The following ZZEF1 variants were observed in gnomAD, a reference collection of about 807,000 sequenced individuals.
ZZEF1 encodes the protein zinc finger ZZ-type and EF-hand domain containing 1.
Under a neutral mutation model 342.8 loss-of-function variants are expected in ZZEF1, and 157 were observed. That is an observed-to-expected ratio of 0.46 (90% CI 0.40 to 0.52). The LOEUF (loss-of-function observed/expected upper bound fraction) is 0.52. ZZEF1 is among the 20% of genes least tolerant of loss of function. ZZEF1 has a pLI of 0.00. For synonymous variants in ZZEF1, 1,505 were observed against 1,429.1 expected, an observed-to-expected ratio of 1.05 and a Z score of -1.20; for missense variants, 3,480 against 3,725.6, an observed-to-expected ratio of 0.93 and a Z score of 1.72.
At chr17:4,081,518 C>A in intron 17 of ZZEF1, 28 bp from the exon 18 acceptor site, 1 of 1,564,392 alleles carries the variant, frequency 6.4e-7, no homozygotes, top group Non-Finnish European at 8.8e-7. Flanking sequence ...AGTCATGACA[C>A]CTGGCTTCAG....
At chr17:4,116,641 T>C (rs1443362566) in intron 3 of ZZEF1, among the ~76,000 whole-genome samples, 1 of 152,232 alleles carries the variant, frequency 6.6e-6, no homozygotes, top group Non-Finnish European at 1.5e-5. Flanking sequence ...AGTGAATCAA[T>C]AATGCTACAA....
At chr17:4,131,591 C>T (rs982438629) in intron 1 of ZZEF1, among the ~76,000 whole-genome samples, 2 of 151,936 alleles carry the variant, frequency 1.3e-5, no homozygotes, top group East Asian at 1.9e-4. Context: ...CCAGTGTGAG[C>T]GATGTGGCAA....
chr17:4,080,047 C>G (rs1719384102), intron 18 of ZZEF1, among the ~76,000 whole-genome samples: 3 of 152,150 alleles, frequency 2.0e-5, no homozygotes, highest in African/African-American at 7.2e-5. Context: ...TACAGGGGTG[C>G]TATCACTTTA....
chr17:4,132,202 T>TC lies in ZZEF1; in HGVS notation c.355-8152_355-8151insG, dbSNP rs1491287300. 9.3e-4 allele frequency among the ~76,000 whole-genome samples: 16 copies of TC among 17,228 alleles called. No homozygotes were observed. In the East Asian group the frequency reaches 0.17, roughly 185 times the overall value. 11.3% of individuals were successfully genotyped at this position (17,228 alleles called of 152,430 possible). On this transcript the variant is annotated intron_variant, in intron 1 of 54. Transcript: ENST00000381638. ...TAAAAATAAAAGCCTAAATTTTCTC[T>TC]TTTTTTTTTTTTTTTTGAGACACCA...
At chr17:4,123,267 C>CTATATA (rs1567861636) in intron 2 of ZZEF1, among the ~76,000 whole-genome samples, 1 of 41,522 alleles carries the variant, frequency 2.4e-5, no homozygotes, top group Non-Finnish European at 4.7e-5. Context: ...TTTATCATAA[C>CTATATA]CATATATATA....
At chr17:4,015,561 T>TA (rs937159429) in intron 49 of ZZEF1, among the ~76,000 whole-genome samples, 4 of 152,202 alleles carry the variant, frequency 2.6e-5, no homozygotes, top group African/African-American at 7.2e-5. Flanking sequence ...GGTCAGGAGT[T>TA]AGAGACCAGC....
rs1269749015 is a variant in ZZEF1, at chr17:4,017,856, T to C, written c.7621A>G (p.Met2541Val). 6.2e-7 allele frequency: 1 copy of C among 1,614,204 alleles called. No individual in the cohort carries two copies. The highest frequency in any genetic ancestry group is 1.3e-5 in the African/African-American group (1 of 75,052). ...CATACCAAGCATGGCAGGATAATCA[T>C]GTCTGTATCCACAGCTTTGGCGCTC... ...EQSAKAVDTDMIILPCLSRPA... is the reference protein window; with the variant it reads ...EQSAKAVDTDVIILPCLSRPA... The change falls in exon 47 of 55, where the codon ATG (methionine) becomes GTG (valine). Residue 2541 changes from methionine to valine, a missense_variant. By Grantham distance (21) the Met-to-Val change is conservative. This residue lies in a region of ZZEF1 where 1,269 missense variants were observed against 1,342.4 expected (regional missense o/e 0.95). Transcript: ENST00000381638. This position sits in a 1 kb window ranked among gnomAD's most constrained non-coding sequence, Gnocchi z 5.1.
At chr17:4,100,968 G>A (rs2058117791) in intron 9 of ZZEF1, among the ~76,000 whole-genome samples, 1 of 152,188 alleles carries the variant, frequency 6.6e-6, no homozygotes, top group South Asian at 2.1e-4. Context: ...TCTTGGGTGA[G>A]GGGAAGGGAA....
At chr17:4,115,328 T>C (rs533873865) in intron 3 of ZZEF1, among the ~76,000 whole-genome samples, 30 of 152,316 alleles carry the variant, frequency 2.0e-4, no homozygotes, top group African/African-American at 7.2e-4. Flanking sequence ...TGCCTGGCCA[T>C]GTGCTTTTTA....
At chr17:4,087,601 T>G (rs2057857181) in intron 13 of ZZEF1, 67 bp from the exon 14 acceptor site, 1 of 1,334,182 alleles carries the variant, frequency 7.5e-7, no homozygotes, top group Non-Finnish European at 1.0e-6. Flanking sequence ...CTGTAATGCC[T>G]CATTTACTTC....
intron 35 of ZZEF1, among the ~76,000 whole-genome samples, chr17:4,051,677 A>G (rs1027012948): frequency 2.0e-5 from 3 of 151,760 alleles, no homozygotes; most frequent in Admixed American, 1.3e-4. Flanking sequence ...CGGCCTCTGA[A>G]AGTGCTGGGA....
rs746000610 is a variant in ZZEF1, at chr17:4,077,892, T to A, written c.2980A>T (p.Ile994Phe). Residue 994 changes from isoleucine to phenylalanine, a missense_variant, in exon 19 of 55, where the codon ATT becomes TTT. Transcript: ENST00000381638. Reference protein sequence around the residue: ...SGAKDLAVDLIEKYVGQFLAS... With the variant: ...SGAKDLAVDLFEKYVGQFLAS... Reference sequence around the variant, plus strand: ...TTATATTGAAACTCACATTTTTCAATAAGGTCCACGGCAAGATCTTTGGCT... The same window carrying A: ...TTATATTGAAACTCACATTTTTCAAAAAGGTCCACGGCAAGATCTTTGGCT... 10 of 1,613,338 alleles carry A rather than the reference T, an allele frequency of 6.2e-6. No homozygotes were observed. Among genetic ancestry groups the A allele is most frequent in the Non-Finnish European group, 8.5e-6 (10 of 1,179,712 alleles).
At chr17:4,078,927 T>C (rs2057672948) in intron 18 of ZZEF1, among the ~76,000 whole-genome samples, 1 of 152,192 alleles carries the variant, frequency 6.6e-6, no homozygotes, top group Non-Finnish European at 1.5e-5. Context: ...AGTATAACCA[T>C]AAATGTCTTT....
At chr17:4,086,463 A>C (rs776480537) in intron 15 of ZZEF1, 23 bp downstream of exon 15, 60 of 1,613,546 alleles carry the variant, frequency 3.7e-5, no homozygotes, top group Non-Finnish European at 1.3e-5. Flanking sequence ...GGGTTGTATT[A>C]AAGAGAAAAC....
chr17:4,142,465 C>T (rs1425270382), intron 1 of ZZEF1, 77 bp downstream of exon 1: 26 of 1,490,096 alleles, frequency 1.7e-5, no homozygotes, highest in African/African-American at 1.4e-5. Context: ...CTCTCCAAAG[C>T]AAATGCCCAC....
intron 39 of ZZEF1, among the ~76,000 whole-genome samples, chr17:4,034,498 T>C (rs1486312818): frequency 6.6e-6 from 1 of 152,176 alleles, no homozygotes; most frequent in African/African-American, 2.4e-5. Flanking sequence ...AATATTTCTT[T>C]ACCCTGAAAA....
At chr17:4,075,536 G>T in intron 21 of ZZEF1, 107 bp from the exon 22 acceptor site, 2 of 1,293,468 alleles carry the variant, frequency 1.5e-6, no homozygotes, top group South Asian at 1.5e-5. Flanking sequence ...GGCCTTGACA[G>T]CCCTGCACAA....
At chr17:4,100,727 C>T (rs1407373312) in intron 9 of ZZEF1, among the ~76,000 whole-genome samples, 4 of 152,076 alleles carry the variant, frequency 2.6e-5, no homozygotes, top group Non-Finnish European at 5.9e-5. Flanking sequence ...CTCAGATACT[C>T]GGAAGGCTGA....
chr17:4,099,765 C>T (rs1272891346), intron 9 of ZZEF1, among the ~76,000 whole-genome samples: 3 of 152,052 alleles, frequency 2.0e-5, no homozygotes, highest in South Asian at 2.1e-4. Flanking sequence ...AGGCTGGTCT[C>T]GAACTCCTGA....
Sources: gnomAD v4.1 joint callset for allele counts (sites outside exome capture counted in the v4.1 genomes callset) on GRCh38, gnomAD v4.1.1 for gene constraint, gnomAD v4.1.1 regional missense constraint, Gnocchi (gnomAD v3.1) non-coding constraint, MANE v1.5 for transcripts, NCBI Gene and HGNC (gene_info 2026-07-23, HGNC 2026-07-21) for gene names.